CCSER1: variants seen among roughly 807,000 people sequenced by gnomAD.
CCSER1 encodes the protein coiled-coil serine rich protein 1.
Under a neutral mutation model 82.0 loss-of-function variants are expected in CCSER1, and 41 were observed. That is an observed-to-expected ratio of 0.50 (90% CI 0.39 to 0.65). CCSER1 has a LOEUF of 0.65. Ranked by LOEUF, CCSER1 falls within the 30% of genes least tolerant of loss-of-function variation. The pLI, the probability that CCSER1 is intolerant of heterozygous loss-of-function variation, is 0.00. For missense variants in CCSER1, 1,119 were observed against 1,064.2 expected, an observed-to-expected ratio of 1.05 and a Z score of -0.72; for synonymous variants, 414 against 383.9, an observed-to-expected ratio of 1.08 and a Z score of -0.92.
At chr4:90,989,505 A>T (rs1163792752) in intron 9 of CCSER1, among the ~76,000 whole-genome samples, 1 of 151,794 alleles carries the variant, frequency 6.6e-6, no homozygotes, top group Admixed American at 6.6e-5. Flanking sequence ...GCTATCTGAG[A>T]TAGCTTCTGA....
chr4:91,089,567 GC>G (rs1170819123), intron 10 of CCSER1, among the ~76,000 whole-genome samples: 1 of 152,140 alleles, frequency 6.6e-6, no homozygotes, highest in African/African-American at 2.4e-5. Context: ...GTCTTCCCGT[GC>G]AATAGATTGA....
intron 7 of CCSER1, among the ~76,000 whole-genome samples, chr4:90,761,518 A>G (rs191525779): frequency 6.6e-6 from 1 of 152,326 alleles, no homozygotes; most frequent in East Asian, 1.9e-4. Context: ...CCTCCGAGTT[A>G]TAGGATGGAT....
At chr4:90,183,070 A>G (rs1474374064) in intron 1 of CCSER1, among the ~76,000 whole-genome samples, 1 of 152,078 alleles carries the variant, frequency 6.6e-6, no homozygotes, top group Non-Finnish European at 1.5e-5. Flanking sequence ...ATAAATTATG[A>G]TTTTTCTGTA....
At chr4:91,464,571 G>C (rs1338887224) in intron 10 of CCSER1, among the ~76,000 whole-genome samples, 2 of 152,114 alleles carry the variant, frequency 1.3e-5, no homozygotes, top group Non-Finnish European at 2.9e-5. Flanking sequence ...ATCAGATAAA[G>C]AATCAAGACC....
intron 9 of CCSER1, among the ~76,000 whole-genome samples, chr4:90,960,478 C>T (rs1443409998): frequency 6.6e-6 from 1 of 152,170 alleles, no homozygotes; most frequent in Non-Finnish European, 1.5e-5. Flanking sequence ...AGGCTTCTTA[C>T]CTGAAACCTC....
intron 6 of CCSER1, among the ~76,000 whole-genome samples, chr4:90,630,985 C>G (rs1371189644): frequency 6.6e-6 from 1 of 151,626 alleles, no homozygotes; most frequent in East Asian, 1.9e-4. Context: ...GCTCCGCCTC[C>G]CGGGTTCACG....
chr4:90,346,457 G>A (rs923585171), intron 3 of CCSER1, among the ~76,000 whole-genome samples: 1 of 151,872 alleles, frequency 6.6e-6, no homozygotes, highest in African/African-American at 2.4e-5. Context: ...GTCAGTGAAA[G>A]CTTAGATTAT....
At chr4:90,245,610 T>C (rs907986968) in intron 1 of CCSER1, among the ~76,000 whole-genome samples, 2 of 152,158 alleles carry the variant, frequency 1.3e-5, no homozygotes, top group Non-Finnish European at 2.9e-5. Context: ...AACATCAAGG[T>C]AACCTTTATG....
intron 1 of CCSER1, among the ~76,000 whole-genome samples, chr4:90,276,310 T>TTCCTTCCTTCCTTC (rs1560930387): frequency 5.1e-5 from 5 of 98,744 alleles, no homozygotes; most frequent in Non-Finnish European, 1.0e-4. Context: ...TTCCTTCCTT[T>TTCCTTCCTTCCTTC]CTTTCTTTTT....
intron 10 of CCSER1, among the ~76,000 whole-genome samples, chr4:91,428,561 T>C (rs1400536443): frequency 6.6e-6 from 1 of 152,044 alleles, no homozygotes; most frequent in Non-Finnish European, 1.5e-5. Context: ...CACTGGATGG[T>C]CTAGGTGCAG....
intron 8 of CCSER1, among the ~76,000 whole-genome samples, chr4:90,831,633 G>A (rs1269850960): frequency 6.6e-6 from 1 of 152,106 alleles, no homozygotes; most frequent in East Asian, 1.9e-4. Context: ...TGGATGAATA[G>A]CACTTCATTT....
rs1023054678 is a variant in CCSER1 at position 90,460,312 on chromosome 4, G to A, written c.1604-7922G>A. ...TGCACTCCAGCCTGGGCGACAGAGC[G>A]AAACTCCGTCTCAAAAAAAAAAAAA... On this transcript the variant is annotated intron_variant, in intron 4 of 10. Coordinates refer to ENST00000509176, the MANE Select transcript of CCSER1 (RefSeq NM_001145065.2). 1.3e-4 allele frequency among the ~76,000 whole-genome samples: 9 copies of A among 66,986 alleles called. No homozygotes were observed. The Admixed American group carries it at 1.9e-3, about 14-fold the overall frequency. The allele number at this position is 66,986 out of a possible 152,430, so 43.9% of individuals were successfully genotyped here. A position where few individuals can be genotyped will look rare whatever the true frequency, so the allele number is the denominator to read the frequency against.
chr4:90,916,148 G>T (rs954079962), intron 8 of CCSER1, among the ~76,000 whole-genome samples: 5 of 151,864 alleles, frequency 3.3e-5, no homozygotes, highest in Non-Finnish European at 7.4e-5. Context: ...TTTCCTCACA[G>T]AATTGGAAAA....
intron 1 of CCSER1, among the ~76,000 whole-genome samples, chr4:90,296,728 A>G (rs1161562352): frequency 6.6e-6 from 1 of 152,170 alleles, no homozygotes; most frequent in Non-Finnish European, 1.5e-5. Flanking sequence ...CAGTTTCCCC[A>G]GCACCATTTA....
At chr4:90,459,040 A>G (rs1490284863) in intron 4 of CCSER1, among the ~76,000 whole-genome samples, 1 of 152,168 alleles carries the variant, frequency 6.6e-6, no homozygotes, top group Non-Finnish European at 1.5e-5. Context: ...AGTATATATT[A>G]TATATGTTAT....
intron 6 of CCSER1, among the ~76,000 whole-genome samples, chr4:90,637,294 G>A (rs887579292): frequency 2.0e-5 from 3 of 152,064 alleles, no homozygotes; most frequent in Non-Finnish European, 2.9e-5. Context: ...TAGCCTTTTC[G>A]CTGGTCAACA....
At chr4:90,443,768 A>C (rs1760241430) in intron 4 of CCSER1, among the ~76,000 whole-genome samples, 1 of 152,102 alleles carries the variant, frequency 6.6e-6, no homozygotes, top group African/African-American at 2.4e-5. Context: ...AAAATTACTT[A>C]TTCAAAACCA....
chr4:91,357,729 T>A (rs557017942), intron 10 of CCSER1, among the ~76,000 whole-genome samples: 1 of 152,198 alleles, frequency 6.6e-6, no homozygotes, highest in Non-Finnish European at 1.5e-5. Context: ...TATAACATTT[T>A]TTCTTTCATG....
chr4:90,654,523 T>G (rs1383230834), intron 6 of CCSER1, among the ~76,000 whole-genome samples: 3 of 152,126 alleles, frequency 2.0e-5, no homozygotes, highest in African/African-American at 7.2e-5. Flanking sequence ...CCATTCTAAA[T>G]GTACATTGCT....
Sources: gnomAD v4.1 joint callset for allele counts (sites outside exome capture counted in the v4.1 genomes callset) on GRCh38, gnomAD v4.1.1 for gene constraint, MANE v1.5 for transcripts, NCBI Gene and HGNC (gene_info 2026-07-23, HGNC 2026-07-21) for gene names.